Variants in SETD6 observed in about 807,000 individuals in gnomAD.
SETD6 encodes the protein SET domain containing 6, protein lysine methyltransferase, also known as N-lysine methyltransferase SETD6.
A neutral mutation model predicts 52.7 loss-of-function variants in SETD6; 67 were observed. The observed-to-expected ratio is 1.27, with a 90% CI of 1.04 to 1.56. SETD6 has a LOEUF of 1.56. SETD6 is among the 40% of genes most tolerant of loss of function. The pLI is 0.00. For synonymous variants in SETD6, 307 were observed against 250.2 expected (o/e 1.23, Z -2.14); for missense variants, 712 against 607.5 (o/e 1.17, Z -1.81).
intron 3 of SETD6, 35 bp downstream of exon 3, chr16:58,516,378 A>C: frequency 2.5e-6 from 4 of 1,590,468 alleles, no homozygotes; most frequent in Non-Finnish European, 3.4e-6. Context: ...GAGCGCCTGC[A>C]CCGTAGCCTG....
At chr16:58,515,515 G>A (rs1414528204), upstream of SETD6, 3 of 1,578,586 alleles carry the variant, frequency 1.9e-6, no homozygotes, top group South Asian at 2.3e-5. Context: ...GCGCCGGCCC[G>A]CGAGGAAACG....
Position 58,523,497 on chromosome 16 carries a change from A to G in SETD6, c.*4468A>G, listed in dbSNP as rs771356837. 1 of 1,613,800 alleles carries G rather than the reference A, an allele frequency of 6.2e-7. No individual in the cohort carries two copies. Among genetic ancestry groups the G allele is most frequent in the Non-Finnish European group, 8.5e-7 (1 of 1,179,910 alleles). On this transcript the variant is annotated 3_prime_UTR_variant, in exon 8 of 8. Coordinates refer to ENST00000219315, the MANE Select transcript of SETD6 (RefSeq NM_001160305.4). ...TTTGCAATTGCATTCAAAAAGAGAT[A>G]GCGACCTAGAAATTAAGAAACCTTG...
At chr16:58,516,389 C>T in intron 3 of SETD6, 46 bp downstream of exon 3, 1 of 1,547,596 alleles carries the variant, frequency 6.5e-7, no homozygotes. Flanking sequence ...CCGTAGCCTG[C>T]TGCAAGAAGT....
rs2039418247 is a variant in SETD6 at position 58,522,245 on chromosome 16, A to AAAAAC, written c.*3220_*3221insCAAAA. ...ACAAAGCGAGACTGTCTCAAAAAAA[A>AAAAAC]AAAAAAAAAAAAAAAAAAAAAAGCT... On this transcript the variant is annotated 3_prime_UTR_variant, in exon 8 of 8. Coordinates refer to ENST00000219315, the MANE Select transcript of SETD6 (RefSeq NM_001160305.4). 7.6e-5 allele frequency among the ~76,000 whole-genome samples: 2 copies of AAAAAC among 26,232 alleles called. No individual in the cohort carries two copies. Among genetic ancestry groups the AAAAAC allele is most frequent in the African/African-American group, 4.5e-4 (2 of 4,430 alleles). The allele number at this position is 26,232 out of a possible 152,430, so 17.2% of individuals were successfully genotyped here.
At chr16:58,517,066 T>C (rs889566394) in intron 5 of SETD6, 138 bp downstream of exon 5, 3 of 1,262,908 alleles carry the variant, frequency 2.4e-6, no homozygotes, top group Non-Finnish European at 2.3e-6. Context: ...TGCATATTAC[T>C]GTAGAATCAT....
Position 58,516,048 on chromosome 16 carries a change from C to G in SETD6, c.285C>G (p.Ala95=). Residue 95 remains alanine (A), a synonymous_variant, in exon 2 of 8, where the codon GCC becomes GCG. Transcript: ENST00000219315. Reference sequence around the variant, plus strand: ...AGCTGTTGTTCGTGGTGCCGCGGGCCGCGCTCCTGTCGCAGCACACCTGCT... The same window carrying G: ...AGCTGTTGTTCGTGGTGCCGCGGGCGGCGCTCCTGTCGCAGCACACCTGCT... ...AGELLFVVPR[A]ALLSQHTCSI... 6.6e-7 allele frequency: 1 copy of G among 1,513,092 alleles called. No individual in the cohort carries two copies. Among genetic ancestry groups the G allele is most frequent in the Non-Finnish European group, 8.8e-7 (1 of 1,142,168 alleles). The allele number at this position is 1,513,092 out of a possible 1,614,324, so 93.7% of individuals were successfully genotyped here. A position where few individuals can be genotyped will look rare whatever the true frequency, so the allele number is the denominator to read the frequency against.
chr16:58,516,253 T>C lies in SETD6; in HGVS notation c.386T>C (p.Leu129Pro). 6.3e-7 allele frequency: 1 copy of C among 1,599,964 alleles called. No individual in the cohort carries two copies. Among genetic ancestry groups the C allele is most frequent in the Non-Finnish European group, 8.5e-7 (1 of 1,179,614 alleles). ...GGCTGGGTGCCACTGCTGCTGGCGC[T>C]GCTCCACGAGCTGCAGGCCCCGGCC... ...QSGWVPLLLA[L>P]LHELQAPASR... The change falls in exon 3 of 8, where the codon CTG (leucine) becomes CCG (proline). Residue 129 changes from leucine to proline, a missense_variant. Coordinates refer to ENST00000219315, the MANE Select transcript of SETD6 (RefSeq NM_001160305.4).
rs1227067679 is a variant in SETD6 at position 58,519,882 on chromosome 16, G to A, written c.*853G>A. On this transcript the variant is annotated 3_prime_UTR_variant, in exon 8 of 8. Coordinates refer to ENST00000219315, the MANE Select transcript of SETD6 (RefSeq NM_001160305.4). ...CATGGCCCCAAGGTCTGCAGGGCTG[G>A]ATTGTCCACTTTTCCTCCTCACCAC... The A allele has an allele frequency of 1.3e-5, 2 of 152,224 alleles. No individual in the cohort carries two copies. The highest frequency in any genetic ancestry group is 4.8e-5 in the African/African-American group (2 of 41,448). 9.4% of individuals were successfully genotyped at this position (152,224 alleles called of 1,614,324 possible).
In SETD6 at chr16:58,523,771, C is replaced by T. The variant is rs1218888490; in HGVS notation, c.*4742C>T. The T allele has an allele frequency of 6.9e-6, 2 of 290,774 alleles. No homozygotes were observed. The highest frequency in any genetic ancestry group is 6.5e-6 in the Non-Finnish European group (1 of 153,868). 18.0% of individuals were successfully genotyped at this position (290,774 alleles called of 1,614,324 possible). A position where few individuals can be genotyped will look rare whatever the true frequency, so the allele number is the denominator to read the frequency against. On this transcript the variant is annotated 3_prime_UTR_variant, in exon 8 of 8. Transcript: ENST00000219315. ...AGAAACATGAACTATTTTCTGGTGA[C>T]ACTCATCACTAAGTCTTTCTACATT... is the stretch of plus-strand genomic sequence containing the variant.
At position 58,523,582 on chromosome 16, in the gene SETD6, G is replaced by C; in HGVS notation, c.*4553G>C. 7.4e-7 allele frequency: 1 copy of C among 1,351,944 alleles called. No homozygotes were observed. The highest frequency in any genetic ancestry group is 1.0e-6 in the Non-Finnish European group (1 of 986,538). 83.7% of individuals were successfully genotyped at this position (1,351,944 alleles called of 1,614,324 possible). A position where few individuals can be genotyped will look rare whatever the true frequency, so the allele number is the denominator to read the frequency against. On this transcript the variant is annotated 3_prime_UTR_variant, in exon 8 of 8. Coordinates refer to ENST00000219315, the MANE Select transcript of SETD6 (RefSeq NM_001160305.4). The stretch of plus-strand genomic sequence containing the variant: ...GACAGTTCTAACTGGCTAGGGTTTG[G>C]GTTTCTGACAGAGGCTTTCAAATTA...
chr16:58,517,973 G>A, intron 5 of SETD6, 78 bp from the exon 6 acceptor site: 1 of 1,578,966 alleles, frequency 6.3e-7, no homozygotes, highest in Non-Finnish European at 8.7e-7. Context: ...ACCTGCTGAA[G>A]GCTCTTCTTA....
At chr16:58,517,663 A>T in intron 5 of SETD6, 1 of 237,412 alleles carries the variant, frequency 4.2e-6, no homozygotes, top group Non-Finnish European at 8.4e-6. Context: ...TTTAGTAGGG[A>T]TGGGGTTTCT....
At chr16:58,518,349 GAA>G (rs2039242859) in intron 6 of SETD6, 50 bp from the exon 7 acceptor site, 1 of 1,588,194 alleles carries the variant, frequency 6.3e-7, no homozygotes, top group East Asian at 2.2e-5. Flanking sequence ...GACTAAAGAA[GAA>G]ATGAACCCTT....
At position 58,523,396 on chromosome 16, in the gene SETD6, C is replaced by T. The variant is rs199694259; in HGVS notation, c.*4367C>T. ...TTGTGATCTGTTCTTGGATGGCTTC[C>T]GTATTGGCCTCTGCAAAAAGGTACA... On this transcript the variant is annotated 3_prime_UTR_variant, in exon 8 of 8. Coordinates refer to ENST00000219315, the MANE Select transcript of SETD6 (RefSeq NM_001160305.4). 8.1e-6 allele frequency: 13 copies of T among 1,611,368 alleles called. No homozygotes were observed. Among genetic ancestry groups the T allele is most frequent in the African/African-American group, 2.7e-5 (2 of 74,976 alleles).
At chr16:58,517,055 A>G in intron 5 of SETD6, 127 bp downstream of exon 5, 3 of 1,349,034 alleles carry the variant, frequency 2.2e-6, no homozygotes, top group Non-Finnish European at 3.2e-6. Context: ...TCCTTTTAGT[A>G]TGCATATTAC....
chr16:58,516,562 GTACCAGTCCATCGTGC>G lies in SETD6; in HGVS notation c.563_578del (p.Tyr188CysfsTer18). The G allele has an allele frequency of 6.2e-7, 1 of 1,614,192 alleles. No individual in the cohort carries two copies. The highest frequency in any genetic ancestry group is 8.5e-7 in the Non-Finnish European group (1 of 1,180,022). ...AGGATTTGGCCAACATCCGCAGCGAGTACCAGTCCATCGTGCTGCCCTTCATGGAAGCCCACCCCGA... is the reference window on the plus strand; with the variant it reads ...AGGATTTGGCCAACATCCGCAGCGAGTGCCCTTCATGGAAGCCCACCCCGA... On this transcript the variant is annotated frameshift_variant, in exon 4 of 8. Transcript: ENST00000219315. LOFTEE classifies it high-confidence loss of function.
rs1326928417 is a variant in SETD6 at position 58,521,866 on chromosome 16, G to A, written c.*2837G>A. Among the ~76,000 whole-genome samples the A allele has an allele frequency of 6.6e-6, 1 of 151,990 alleles. No homozygotes were observed. The highest frequency in any genetic ancestry group is 2.4e-5 in the African/African-American group (1 of 41,364). On this transcript the variant is annotated 3_prime_UTR_variant, in exon 8 of 8. Coordinates refer to ENST00000219315, the MANE Select transcript of SETD6 (RefSeq NM_001160305.4). Reference sequence around the variant, plus strand: ...AGTCGGACGCTGAGGCAGGAGAATCGCTTGAACCCAGTAGGTGGAGGTTGT... The same window carrying A: ...AGTCGGACGCTGAGGCAGGAGAATCACTTGAACCCAGTAGGTGGAGGTTGT...
chr16:58,521,462 T>G lies in SETD6; in HGVS notation c.*2433T>G, dbSNP rs903929420. On this transcript the variant is annotated 3_prime_UTR_variant, in exon 8 of 8. Transcript: ENST00000219315. ...TTTAGTAAAGACAGGTGGATTAATA[T>G]ACTCCAAATAGCACAGGTTGGAATA... 2 of 743,016 alleles carry G rather than the reference T, an allele frequency of 2.7e-6. No homozygotes were observed. The highest frequency in any genetic ancestry group is 4.3e-6 in the Non-Finnish European group (2 of 461,306). The allele number at this position is 743,016 out of a possible 1,614,324, so 46.0% of individuals were successfully genotyped here.
In SETD6 at chr16:58,517,853, A is replaced by C. The variant is rs964335878; in HGVS notation, c.793-198A>C. On this transcript the variant is annotated intron_variant, in intron 5 of 7. Coordinates refer to ENST00000219315, the MANE Select transcript of SETD6 (RefSeq NM_001160305.4). ...CAGAAATCCACCCAGTTAAACATGA[A>C]GCTGGCCTTTTAAAGTTAGCCCAAC... The C allele has an allele frequency of 6.7e-5, 43 of 642,038 alleles. No individual in the cohort carries two copies. In the African/African-American group the frequency reaches 7.3e-4, roughly 11 times the overall value. The allele number at this position is 642,038 out of a possible 1,614,324, so 39.8% of individuals were successfully genotyped here.
Sources: allele counts gnomAD v4.1 joint callset (sites outside exome capture counted in the v4.1 genomes callset), GRCh38; gene constraint gnomAD v4.1.1; transcripts MANE v1.5; gene names NCBI Gene and HGNC (gene_info 2026-07-23, HGNC 2026-07-21).